NBDY: variants seen among roughly 807,000 people sequenced by gnomAD.
The protein encoded by NBDY is P-body dissociating protein.
intron 2 of NBDY, among the ~76,000 whole-genome samples, chrX:56,735,832 C>G (rs2069486195): frequency 9.0e-6 from 1 of 110,688 alleles, no homozygotes; most frequent in South Asian, 3.8e-4. Flanking sequence ...ACACTAAAAC[C>G]TTGTCACAAT....
At chrX:56,799,379 G>C (rs781500956) in intron 2 of NBDY, among the ~76,000 whole-genome samples, 18 of 113,417 alleles carry the variant, frequency 1.6e-4, no homozygotes, top group Non-Finnish European at 3.0e-4. Context: ...GGCAGTCAGT[G>C]AACAGTGGTT....
At chrX:56,798,658 CT>C (rs1368314295) in intron 2 of NBDY, among the ~76,000 whole-genome samples, 2 of 112,255 alleles carry the variant, frequency 1.8e-5, no homozygotes, top group Non-Finnish European at 3.8e-5. Flanking sequence ...TCCCAAGCCT[CT>C]TGTGTCCCAG....
At chrX:56,783,766 C>T (rs1412619552) in intron 2 of NBDY, among the ~76,000 whole-genome samples, 1 of 112,726 alleles carries the variant, frequency 8.9e-6, no homozygotes, top group Admixed American at 9.3e-5. Flanking sequence ...ATGACAGTCA[C>T]GTCTTTTCCT....
intron 2 of NBDY, among the ~76,000 whole-genome samples, chrX:56,733,663 A>T (rs2069471243): frequency 8.9e-6 from 1 of 111,734 alleles, no homozygotes; most frequent in Non-Finnish European, 1.9e-5. Flanking sequence ...TAGTGGCAGA[A>T]TTTCATGCCT....
intron 2 of NBDY, among the ~76,000 whole-genome samples, chrX:56,817,021 A>C (rs928875256): frequency 4.5e-5 from 5 of 111,956 alleles, no homozygotes; most frequent in African/African-American, 1.6e-4. Flanking sequence ...TAATAGCGGT[A>C]GACATCCCTG....
At chrX:56,808,677 C>A (rs2069867971) in intron 2 of NBDY, among the ~76,000 whole-genome samples, 1 of 111,718 alleles carries the variant, frequency 9.0e-6, no homozygotes, top group African/African-American at 3.3e-5. Flanking sequence ...GGCTAGAGGT[C>A]TATCTATTTT....
At chrX:56,785,593 T>C (rs752960529) in intron 2 of NBDY, among the ~76,000 whole-genome samples, 1 of 111,362 alleles carries the variant, frequency 9.0e-6, no homozygotes, top group Non-Finnish European at 1.9e-5. Flanking sequence ...TATTTGCTGA[T>C]GGTGTGTGCG....
At chrX:56,808,599 G>A (rs777541244) in intron 2 of NBDY, among the ~76,000 whole-genome samples, 2 of 112,006 alleles carry the variant, frequency 1.8e-5, no homozygotes, top group African/African-American at 6.5e-5. Context: ...GGGATCAGTG[G>A]TGATATCCCC....
intron 2 of NBDY, among the ~76,000 whole-genome samples, chrX:56,807,341 A>G (rs1238962876): frequency 9.0e-6 from 1 of 111,365 alleles, no homozygotes; most frequent in African/African-American, 3.3e-5. Flanking sequence ...TTTTTTTCTA[A>G]TTCTGTGAAG....
At chrX:56,786,704 G>A (rs1340979788) in intron 2 of NBDY, among the ~76,000 whole-genome samples, 1 of 105,039 alleles carries the variant, frequency 9.5e-6, no homozygotes, top group Non-Finnish European at 2.0e-5. Flanking sequence ...TTCTTTTTTT[G>A]CTTTTGCTTC....
rs139081011 is a variant in NBDY, at chrX:56,784,921, C to G, written c.*167-32399C>G. ...ATATGCTACCCATGCCGCTCAGTGCCTGGGCAGCAGCATGGAACACACAGC... is the reference window on the plus strand; with the variant it reads ...ATATGCTACCCATGCCGCTCAGTGCGTGGGCAGCAGCATGGAACACACAGC... On this transcript the variant is annotated intron_variant, in intron 2 of 2. Transcript: ENST00000374922. Among the ~76,000 whole-genome samples, 1,027 of 112,601 alleles carry G rather than the reference C, an allele frequency of 9.1e-3. 19 individuals are homozygous for G. The highest frequency in any genetic ancestry group is 0.014 in the Non-Finnish European group (753 of 53,300).
chrX:56,809,527 T>G (rs753356702), intron 2 of NBDY, among the ~76,000 whole-genome samples: 25 of 112,321 alleles, frequency 2.2e-4, no homozygotes, highest in Non-Finnish European at 3.8e-4. Context: ...CTTTGTCTCT[T>G]TTGATCTTTG....
At chrX:56,754,414 G>T (rs754595473) in intron 2 of NBDY, among the ~76,000 whole-genome samples, 10 of 111,351 alleles carry the variant, frequency 9.0e-5, no homozygotes, top group Non-Finnish European at 1.5e-4. Context: ...CTAACAACAG[G>T]AATATACACA....
At chrX:56,737,226 G>T in intron 2 of NBDY, 2 of 976,966 alleles carry the variant, frequency 2.0e-6, no homozygotes, top group Non-Finnish European at 2.9e-6. Context: ...TGCATCCACA[G>T]ACTTCAACTA....
chrX:56,803,341 G>C (rs920744375), intron 2 of NBDY, among the ~76,000 whole-genome samples: 16 of 111,874 alleles, frequency 1.4e-4, no homozygotes, highest in Non-Finnish European at 2.8e-4. Context: ...GGTTCACTGG[G>C]AGGATAGGGG....
In NBDY at chrX:56,802,017, A is replaced by C. The variant is rs758018495; in HGVS notation, c.*167-15303A>C. Among the ~76,000 whole-genome samples the C allele has an allele frequency of 1.5e-4, 13 of 86,941 alleles. No homozygotes were observed. In the East Asian group the frequency reaches 2.6e-3, roughly 17 times the overall value. The allele number at this position is 86,941 out of a possible 115,157, so 75.5% of individuals were successfully genotyped here. On this transcript the variant is annotated intron_variant, in intron 2 of 2. Transcript: ENST00000374922. Reference sequence around the variant, plus strand: ...ACACACACACACACACACACACACAAATCCTCACACAGGCCCAGGGGTGCG... The same window carrying C: ...ACACACACACACACACACACACACACATCCTCACACAGGCCCAGGGGTGCG...
At chrX:56,802,930 C>CT (rs113901857) in intron 2 of NBDY, among the ~76,000 whole-genome samples, 11,798 of 110,806 alleles carry the variant, frequency 0.11, 1,350 homozygotes, top group African/African-American at 0.33. Context: ...TCCTCCCTGT[C>CT]TTTTTTTTGT....
At chrX:56,730,897 A>T (rs1158203973) in intron 1 of NBDY, among the ~76,000 whole-genome samples, 3 of 111,731 alleles carry the variant, frequency 2.7e-5, no homozygotes, top group African/African-American at 9.8e-5. Context: ...GATCCTTTTA[A>T]TTCAAAGGAG....
chrX:56,782,570 C>T (rs865800114), intron 2 of NBDY, among the ~76,000 whole-genome samples: 1 of 111,984 alleles, frequency 8.9e-6, no homozygotes, highest in East Asian at 2.8e-4. Context: ...AAAACCTTCC[C>T]ACATGTTGCT....
Sources: allele counts gnomAD v4.1 joint callset (sites outside exome capture counted in the v4.1 genomes callset), GRCh38; gene constraint gnomAD v4.1.1; transcripts MANE v1.5; gene names NCBI Gene and HGNC (gene_info 2026-07-23, HGNC 2026-07-21).